The following FHIT variants were observed in gnomAD, a reference collection of about 807,000 sequenced individuals.
The protein encoded by FHIT is fragile histidine triad diadenosine triphosphatase, also known as bis(5'-adenosyl)-triphosphatase.
In FHIT, 19 loss-of-function variants were observed where a neutral mutation model predicts 17.9. That is an observed-to-expected ratio of 1.06 (90% CI 0.74 to 1.56). The LOEUF (loss-of-function observed/expected upper bound fraction) is 1.56, where lower values mean the gene tolerates loss of function less well. Among genes scored for constraint, FHIT ranks in the 40% most tolerant of loss-of-function variants. The pLI, the probability that FHIT is intolerant of heterozygous loss-of-function variation, is 0.00. For synonymous variants in FHIT, 81 were observed against 69.7 expected, an observed-to-expected ratio of 1.16 and a Z score of -0.81; for missense variants, 248 against 189.2, an observed-to-expected ratio of 1.31 and a Z score of -1.82.
At chr3:60,065,528 G>C (rs1702463667) in intron 5 of FHIT, among the ~76,000 whole-genome samples, 2 of 152,124 alleles carry the variant, frequency 1.3e-5, no homozygotes, top group African/African-American at 4.8e-5. Context: ...AAAAGTACCT[G>C]AGAAATTCTG....
At chr3:60,634,086 C>T (rs72872735) in intron 4 of FHIT, among the ~76,000 whole-genome samples, 1,649 of 152,264 alleles carry the variant, frequency 0.011, 37 homozygotes, top group African/African-American at 0.038. Flanking sequence ...GGTGGACATC[C>T]AATTGGCACA....
At chr3:61,210,253 A>G (rs190775671) in intron 1 of FHIT, among the ~76,000 whole-genome samples, 1 of 152,224 alleles carries the variant, frequency 6.6e-6, no homozygotes, top group Non-Finnish European at 1.5e-5. Context: ...CTCGGGGGTC[A>G]GGGACCCACT....
chr3:60,336,142 T>A (rs1265821033), intron 5 of FHIT, among the ~76,000 whole-genome samples: 1 of 152,208 alleles, frequency 6.6e-6, no homozygotes, highest in Non-Finnish European at 1.5e-5. Flanking sequence ...ATGCTTTACA[T>A]CAGCAGCAAG....
chr3:60,150,028 A>C (rs758836497), intron 5 of FHIT, among the ~76,000 whole-genome samples: 1 of 208 alleles, frequency 4.8e-3, no homozygotes, highest in Admixed American at 0.05. Flanking sequence ...AAGTTTTGCT[A>C]CTTGTTGCCC....
intron 8 of FHIT, among the ~76,000 whole-genome samples, chr3:59,845,292 T>C (rs1046395721): frequency 6.6e-6 from 1 of 152,040 alleles, no homozygotes; most frequent in Non-Finnish European, 1.5e-5. Flanking sequence ...CTCCATCTCA[T>C]TTATCTTTGC....
chr3:60,342,004 A>G (rs1710540425), intron 5 of FHIT, among the ~76,000 whole-genome samples: 1 of 152,206 alleles, frequency 6.6e-6, no homozygotes, highest in African/African-American at 2.4e-5. Flanking sequence ...GAAAAAAGAA[A>G]AAAAACTCTC....
chr3:60,241,568 G>C (rs1326826943), intron 5 of FHIT, among the ~76,000 whole-genome samples: 3 of 152,018 alleles, frequency 2.0e-5, no homozygotes, highest in African/African-American at 7.2e-5. Flanking sequence ...AGGGTTGAAA[G>C]AAAGAGAAAA....
At chr3:59,997,144 G>A (rs543348797) in intron 7 of FHIT, among the ~76,000 whole-genome samples, 1 of 152,132 alleles carries the variant, frequency 6.6e-6, no homozygotes, top group South Asian at 2.1e-4. Flanking sequence ...TAGGCAACAC[G>A]TTTAAAAGAG....
chr3:60,947,962 T>A (rs924083057), intron 3 of FHIT, among the ~76,000 whole-genome samples: 22 of 152,186 alleles, frequency 1.4e-4, no homozygotes, highest in Admixed American at 7.8e-4. Context: ...ATCAAAATAC[T>A]CTTTAGCCCA....
chr3:60,020,349 T>C (rs1700508294), intron 5 of FHIT, among the ~76,000 whole-genome samples: 2 of 152,218 alleles, frequency 1.3e-5, no homozygotes, highest in Admixed American at 6.5e-5. Context: ...TAATTAAAGA[T>C]GACAGCAGAA....
At chr3:59,883,844 T>C (rs1373504481) in intron 8 of FHIT, among the ~76,000 whole-genome samples, 1 of 152,192 alleles carries the variant, frequency 6.6e-6, no homozygotes, top group Non-Finnish European at 1.5e-5. Context: ...GAGACAAAGC[T>C]TAAAAGCATA....
chr3:60,716,471 A>G (rs554930270), intron 4 of FHIT, among the ~76,000 whole-genome samples: 74 of 152,296 alleles, frequency 4.9e-4, no homozygotes, highest in African/African-American at 1.7e-3. Flanking sequence ...GGTATCATCA[A>G]TATCACTGCC....
At chr3:60,516,400 A>C (rs1464520551) in intron 5 of FHIT, among the ~76,000 whole-genome samples, 1 of 152,206 alleles carries the variant, frequency 6.6e-6, no homozygotes, top group Non-Finnish European at 1.5e-5. Context: ...GTCTTCGCTA[A>C]AGCATAGGAA....
intron 5 of FHIT, among the ~76,000 whole-genome samples, chr3:60,049,325 G>A (rs761703300): frequency 1.1e-4 from 16 of 152,074 alleles, no homozygotes; most frequent in South Asian, 2.1e-4. Flanking sequence ...TGCAGCTACC[G>A]GGCATTTGAA....
intron 4 of FHIT, among the ~76,000 whole-genome samples, chr3:60,547,746 A>T (rs1044395939): frequency 6.6e-6 from 1 of 152,142 alleles, no homozygotes; most frequent in Non-Finnish European, 1.5e-5. Flanking sequence ...TAAAAGAAAC[A>T]ATGAAAAGAT....
chr3:61,083,883 CATTT>C lies in FHIT; in HGVS notation c.-163-41788_-163-41785del, dbSNP rs1470463507. ...AATATTCCATTGTACGGATATACCA[CATTT>C]ATTTATCCATTCATCAGTTGATGGT... On this transcript the variant is annotated intron_variant, in intron 2 of 9. Transcript: ENST00000492590. Among the ~76,000 whole-genome samples, 2 of 152,060 alleles carry C rather than the reference CATTT, an allele frequency of 1.3e-5. 1 individual carries two copies. The highest frequency in any genetic ancestry group is 6.3e-3 in the Middle Eastern group (2 of 316).
At chr3:59,808,366 G>T (rs1306639031) in intron 8 of FHIT, among the ~76,000 whole-genome samples, 1 of 152,152 alleles carries the variant, frequency 6.6e-6, no homozygotes, top group African/African-American at 2.4e-5. Context: ...GGCTTGAAAG[G>T]CTGGCTCTTC....
intron 5 of FHIT, among the ~76,000 whole-genome samples, chr3:60,192,573 A>G (rs1054599126): frequency 6.6e-6 from 1 of 152,220 alleles, no homozygotes; most frequent in African/African-American, 2.4e-5. Context: ...GAGTTGAGCC[A>G]TGCTCTCTAC....
intron 5 of FHIT, among the ~76,000 whole-genome samples, chr3:60,469,935 T>C (rs867033143): frequency 6.6e-6 from 1 of 152,024 alleles, no homozygotes; most frequent in Non-Finnish European, 1.5e-5. Flanking sequence ...TGGTCTTGGG[T>C]AACTTCCAGA....
Sources: allele counts gnomAD v4.1 joint callset (sites outside exome capture counted in the v4.1 genomes callset), GRCh38; gene constraint gnomAD v4.1.1; transcripts MANE v1.5; gene names NCBI Gene and HGNC (gene_info 2026-07-23, HGNC 2026-07-21).